Variants in HEATR4 observed in about 807,000 individuals in gnomAD.
The protein encoded by HEATR4 is HEAT repeat-containing protein 4.
A neutral mutation model predicts 108.8 loss-of-function variants in HEATR4; 95 were observed. That is an observed-to-expected ratio of 0.87 (90% CI 0.74 to 1.04). HEATR4 has a LOEUF of 1.04. Among genes scored for constraint, HEATR4 ranks in the 50% least tolerant of loss-of-function variants. The pLI is 0.00. For missense variants in HEATR4, 1,152 were observed against 1,253.8 expected (o/e 0.92, Z 1.23); for synonymous variants, 443 against 459.4 (o/e 0.96, Z 0.46).
At chr14:73,499,675 C>G (rs1484330267) in intron 12 of HEATR4, among the ~76,000 whole-genome samples, 1 of 152,152 alleles carries the variant, frequency 6.6e-6, no homozygotes, top group Non-Finnish European at 1.5e-5. Context: ...GTCTACAGAT[C>G]TGGGGCCATA....
the HEATR4 span, among the ~76,000 whole-genome samples, chr14:73,599,530 G>T: frequency 6.6e-6 from 1 of 152,110 alleles, no homozygotes. Flanking sequence ...CAGATGGAGA[G>T]AAATTGAGAA....
the HEATR4 span, chr14:73,592,301 C>A: frequency 6.2e-7 from 1 of 1,609,014 alleles, no homozygotes; most frequent in Non-Finnish European, 8.5e-7. Flanking sequence ...GCCACGACCC[C>A]GAGCCTGGAC....
the HEATR4 span, chr14:73,612,573 T>C: frequency 7.2e-7 from 1 of 1,392,018 alleles, no homozygotes. Context: ...CAGATTGGGA[T>C]GGCAGCGACG....
In HEATR4 at chr14:73,555,808, C is replaced by A. The variant is rs1889384262; in HGVS notation, c.-152+2943G>T. 1.8e-5 allele frequency among the ~76,000 whole-genome samples: 2 copies of A among 113,022 alleles called. 1 individual carries two copies. Among genetic ancestry groups the A allele is most frequent in the Non-Finnish European group, 3.9e-5 (2 of 51,584 alleles). 74.1% of individuals were successfully genotyped at this position (113,022 alleles called of 152,430 possible). A position where few individuals can be genotyped will look rare whatever the true frequency, so the allele number is the denominator to read the frequency against. On this transcript the variant is annotated intron_variant, in intron 1 of 17. Transcript: ENST00000553558. ...CCCAAGGTCAGGAGTTCGAGACCAG[C>A]CAGCCTGATCAACATGGAGAAACCC...
At chr14:73,563,352 T>C (rs1258071719), upstream of HEATR4, among the ~76,000 whole-genome samples, 1 of 152,032 alleles carries the variant, frequency 6.6e-6, no homozygotes, top group African/African-American at 2.4e-5. Flanking sequence ...CCCAGCACTT[T>C]GGGAGGCTGA....
the HEATR4 span, among the ~76,000 whole-genome samples, chr14:73,594,157 ATCTACTG>A: frequency 6.6e-6 from 1 of 152,158 alleles, no homozygotes; most frequent in Non-Finnish European, 1.5e-5. Flanking sequence ...TGAATTTCTA[ATCTACTG>A]TCTTTGCATG....
chr14:73,509,281 T>C (rs1200709816), intron 8 of HEATR4, 31 bp downstream of exon 8: 1 of 1,605,142 alleles, frequency 6.2e-7, no homozygotes, highest in East Asian at 2.2e-5. Flanking sequence ...ATCCCATATT[T>C]CCAGGTCAGA....
intron 17 of HEATR4, among the ~76,000 whole-genome samples, chr14:73,487,771 G>C (rs182033899): frequency 6.6e-6 from 1 of 152,320 alleles, no homozygotes; most frequent in Admixed American, 6.5e-5. Flanking sequence ...AAATTCTCTT[G>C]AGATGAAGGA....
chr14:73,509,843 TA>T (rs1413355031), intron 7 of HEATR4, among the ~76,000 whole-genome samples: 1 of 84,386 alleles, frequency 1.2e-5, no homozygotes, highest in Non-Finnish European at 2.6e-5. Flanking sequence ...TATATATATA[TA>T]TATATATATA....
chr14:73,615,461 T>C, the HEATR4 span, among the ~76,000 whole-genome samples: 1 of 141,780 alleles, frequency 7.1e-6, no homozygotes, highest in Non-Finnish European at 1.5e-5. Flanking sequence ...CTGGGCGCAG[T>C]GGCTTACGCC....
intron 2 of HEATR4, chr14:73,529,310 G>C (rs533756220): frequency 4.2e-5 from 6 of 143,990 alleles, no homozygotes; most frequent in African/African-American, 1.6e-4. Flanking sequence ...AGCCAAGCTC[G>C]TGCCACTGCA....
At chr14:73,498,768 T>C (rs1369454117) in intron 13 of HEATR4, among the ~76,000 whole-genome samples, 1 of 152,206 alleles carries the variant, frequency 6.6e-6, no homozygotes, top group Non-Finnish European at 1.5e-5. Context: ...AGTTGAGATC[T>C]CCAAGGAAAG....
intron 5 of HEATR4, among the ~76,000 whole-genome samples, chr14:73,517,686 A>G (rs1887694038): frequency 6.8e-6 from 1 of 146,730 alleles, no homozygotes; most frequent in East Asian, 2.0e-4. Flanking sequence ...AAAAAAGAAG[A>G]AGAAAAGAGA....
intron 5 of HEATR4, among the ~76,000 whole-genome samples, chr14:73,515,693 A>T (rs1887560342): frequency 7.2e-6 from 1 of 138,822 alleles, no homozygotes; most frequent in African/African-American, 2.8e-5. Flanking sequence ...AAAAAAAAAA[A>T]AAAAAGAGTC....
chr14:73,491,416 G>A (rs1225305984), intron 17 of HEATR4: 11 of 1,348,712 alleles, frequency 8.2e-6, no homozygotes, highest in Non-Finnish European at 9.4e-6. Context: ...CGCGCCTGGT[G>A]GAGGTGCCCG....
At chr14:73,516,917 C>G (rs921124398) in intron 5 of HEATR4, among the ~76,000 whole-genome samples, 1 of 152,180 alleles carries the variant, frequency 6.6e-6, no homozygotes, top group Non-Finnish European at 1.5e-5. Flanking sequence ...GAAAAATTAT[C>G]TTCCACGAAA....
the HEATR4 span, among the ~76,000 whole-genome samples, chr14:73,585,961 G>A: frequency 7.1e-6 from 1 of 141,502 alleles, no homozygotes; most frequent in Non-Finnish European, 1.5e-5. Flanking sequence ...GTGAGCCAAG[G>A]TGGCACAACT....
intron 17 of HEATR4, among the ~76,000 whole-genome samples, chr14:73,487,792 C>A (rs8012627): frequency 0.77 from 117,128 of 152,162 alleles, 45,420 homozygotes; most frequent in East Asian, 0.86. Flanking sequence ...GATGGTAGCG[C>A]CTTTGGAGAG....
At chr14:73,577,626 T>C in the HEATR4 span, among the ~76,000 whole-genome samples, 2 of 151,650 alleles carry the variant, frequency 1.3e-5, no homozygotes, top group Non-Finnish European at 2.9e-5. Context: ...TAGTAGATGC[T>C]AGATCCCAAA....
Sources: gnomAD v4.1 joint callset for allele counts (sites outside exome capture counted in the v4.1 genomes callset) on GRCh38, gnomAD v4.1.1 for gene constraint, MANE v1.5 for transcripts, NCBI Gene and HGNC (gene_info 2026-07-23, HGNC 2026-07-21) for gene names.